The following HIVEP2 variants were observed in gnomAD, a reference collection of about 807,000 sequenced individuals.
The protein encoded by HIVEP2 is HIVEP zinc finger 2, also known as transcription factor HIVEP2.
A neutral mutation model predicts 180.7 loss-of-function variants in HIVEP2; 14 were observed. That is an observed-to-expected ratio of 0.08 (90% CI 0.05 to 0.12). The LOEUF (loss-of-function observed/expected upper bound fraction) is 0.12. Among genes scored for constraint, HIVEP2 ranks in the 10% least tolerant of loss-of-function variants. The pLI is 1.00. For synonymous variants in HIVEP2, 1,184 were observed against 1,136.4 expected, an observed-to-expected ratio of 1.04 and a Z score of -0.84; for missense variants, 2,579 against 3,008.5, an observed-to-expected ratio of 0.86 and a Z score of 3.34.
intron 1 of HIVEP2, among the ~76,000 whole-genome samples, chr6:142,901,654 G>C (rs944648134): frequency 2.0e-5 from 3 of 152,080 alleles, no homozygotes; most frequent in African/African-American, 7.2e-5. Context: ...AAACAATTTT[G>C]ATTTCCTACC....
At chr6:142,768,724 T>G (rs1364068806) in intron 5 of HIVEP2, among the ~76,000 whole-genome samples, 188 bp from the exon 6 acceptor site, 1 of 151,942 alleles carries the variant, frequency 6.6e-6, no homozygotes, top group Non-Finnish European at 1.5e-5. Flanking sequence ...CTGAATAAAT[T>G]CAACATTCTG....
intron 8 of HIVEP2, among the ~76,000 whole-genome samples, chr6:142,760,980 G>A (rs983501999): frequency 1.3e-5 from 2 of 152,162 alleles, no homozygotes; most frequent in Non-Finnish European, 2.9e-5. Flanking sequence ...TGATGCTAGA[G>A]GAGAAAGAAA....
chr6:142,813,998 T>C (rs1332645730), intron 2 of HIVEP2, among the ~76,000 whole-genome samples: 3 of 152,018 alleles, frequency 2.0e-5, no homozygotes, highest in African/African-American at 7.2e-5. Flanking sequence ...GTCTATGGTC[T>C]AGAGCTAGAC....
intron 1 of HIVEP2, among the ~76,000 whole-genome samples, chr6:142,842,466 T>C (rs1035682729): frequency 7.9e-5 from 12 of 151,158 alleles, no homozygotes; most frequent in Admixed American, 5.3e-4. Context: ...AAAGAAAAAA[T>C]GGGAAGAAAA....
chr6:142,821,805 G>T (rs1777047215), intron 2 of HIVEP2, among the ~76,000 whole-genome samples: 1 of 152,180 alleles, frequency 6.6e-6, no homozygotes, highest in African/African-American at 2.4e-5. Flanking sequence ...ATATTCTATT[G>T]TTTCTGTTGA....
chr6:142,878,302 A>T (rs1776496213), intron 1 of HIVEP2, among the ~76,000 whole-genome samples: 1 of 152,006 alleles, frequency 6.6e-6, no homozygotes, highest in Non-Finnish European at 1.5e-5. Flanking sequence ...TCCCAATTTC[A>T]ACATGTATTT....
At chr6:142,905,360 C>T (rs570769581) in intron 1 of HIVEP2, among the ~76,000 whole-genome samples, 2 of 152,258 alleles carry the variant, frequency 1.3e-5, no homozygotes, top group Non-Finnish European at 2.9e-5. Flanking sequence ...AGAAAACCAA[C>T]AAGGCATGAT....
At chr6:142,893,505 G>A (rs1776910976) in intron 1 of HIVEP2, among the ~76,000 whole-genome samples, 1 of 152,176 alleles carries the variant, frequency 6.6e-6, no homozygotes, top group East Asian at 1.9e-4. Flanking sequence ...CCAGGCAAGT[G>A]ATCTGACTCC....
intron 2 of HIVEP2, among the ~76,000 whole-genome samples, chr6:142,833,016 G>A (rs1203671516): frequency 6.6e-6 from 1 of 152,126 alleles, no homozygotes; most frequent in Non-Finnish European, 1.5e-5. Flanking sequence ...AAAGAACATA[G>A]TGGCCACATC....
intron 2 of HIVEP2, among the ~76,000 whole-genome samples, chr6:142,794,988 T>C (rs1184842008): frequency 6.6e-6 from 1 of 152,172 alleles, no homozygotes; most frequent in Non-Finnish European, 1.5e-5. Flanking sequence ...TTATATGTGA[T>C]CTAATTTGAT....
rs1775510793 is a variant in HIVEP2, at chr6:142,770,710, T to C, written c.4029A>G (p.Pro1343=). 1.9e-6 allele frequency: 3 copies of C among 1,614,096 alleles called. No individual in the cohort carries two copies. The highest frequency in any genetic ancestry group is 1.7e-5 in the Admixed American group (1 of 60,010). Residue 1343 remains proline (P), a synonymous_variant, in exon 5 of 10, where the codon CCA becomes CCG. Transcript: ENST00000367603. The surrounding 1 kb of genome is among the most constrained non-coding windows in gnomAD (Gnocchi z 4.7). ...VVPVRIQTHV[P]SYGSVMYTSI... is the part of the protein sequence containing the mutation. ...TTGTGTACATGACACTTCCATAGGA[T>C]GGTACGTGCGTCTGGATCCGAACAG...
At chr6:142,862,731 T>C (rs5022324) in intron 1 of HIVEP2, among the ~76,000 whole-genome samples, 56,968 of 136,592 alleles carry the variant, frequency 0.42, 12,618 homozygotes, top group African/African-American at 0.57. Flanking sequence ...ACATATATTA[T>C]GTAATTATAT....
At chr6:142,848,152 C>A (rs198653) in intron 1 of HIVEP2, among the ~76,000 whole-genome samples, 128,518 of 152,240 alleles carry the variant, frequency 0.84, 54,946 homozygotes, top group African/African-American at 0.94. Flanking sequence ...TCTAATGTTA[C>A]CATCAATGAA....
At chr6:142,859,510 G>A (rs544107250) in intron 1 of HIVEP2, among the ~76,000 whole-genome samples, 18 of 150,908 alleles carry the variant, frequency 1.2e-4, no homozygotes, top group Non-Finnish European at 2.4e-4. Context: ...TAAGCTTGTC[G>A]AAACAAAGAC....
intron 1 of HIVEP2, among the ~76,000 whole-genome samples, chr6:142,862,763 G>T (rs1182443258): frequency 7.6e-6 from 1 of 131,602 alleles, no homozygotes; most frequent in South Asian, 2.4e-4. Flanking sequence ...CATATATTAT[G>T]TAATATATTA....
Position 142,753,091 on chromosome 6 carries a change from C to T in HIVEP2, c.*16G>A, listed in dbSNP as rs911821933. 4 of 1,437,850 alleles carry T rather than the reference C, an allele frequency of 2.8e-6. No homozygotes were observed. Among genetic ancestry groups the T allele is most frequent in the Non-Finnish European group, 3.9e-6 (4 of 1,019,856 alleles). 89.1% of individuals were successfully genotyped at this position (1,437,850 alleles called of 1,614,324 possible). A position where few individuals can be genotyped will look rare whatever the true frequency, so the allele number is the denominator to read the frequency against. ...AATGGGAAAATGTGGAAATGAAAGT[C>T]TCCATGCATCATAGATCAATGTAGC... On this transcript the variant is annotated 3_prime_UTR_variant, in exon 10 of 10. Transcript: ENST00000367603.
chr6:142,817,495 C>T (rs1262637621), intron 2 of HIVEP2, among the ~76,000 whole-genome samples: 1 of 152,072 alleles, frequency 6.6e-6, no homozygotes, highest in Non-Finnish European at 1.5e-5. Flanking sequence ...GCAGGAAATG[C>T]CCATGTGTCT....
At chr6:142,786,721 T>C (rs1776008037) in intron 2 of HIVEP2, among the ~76,000 whole-genome samples, 2 of 152,212 alleles carry the variant, frequency 1.3e-5, no homozygotes, top group Admixed American at 6.5e-5. Flanking sequence ...ATTTTAAAAA[T>C]ACCCATTGTT....
intron 1 of HIVEP2, among the ~76,000 whole-genome samples, chr6:142,866,357 T>C (rs1419357356): frequency 6.6e-6 from 1 of 152,214 alleles, no homozygotes. Context: ...TAGCTACTAA[T>C]AAATCACTGA....
Sources: gnomAD v4.1 joint callset for allele counts (sites outside exome capture counted in the v4.1 genomes callset) on GRCh38, gnomAD v4.1.1 for gene constraint, Gnocchi (gnomAD v3.1) non-coding constraint, MANE v1.5 for transcripts, NCBI Gene and HGNC (gene_info 2026-07-23, HGNC 2026-07-21) for gene names.